MAP2K4: variants seen among roughly 807,000 people sequenced by gnomAD.
MAP2K4 encodes dual specificity mitogen-activated protein kinase kinase 4.
A neutral mutation model predicts 48.5 loss-of-function variants in MAP2K4; 4 were observed. The ratio of observed to expected loss-of-function variants is 0.08; its 90% confidence interval spans 0.04 to 0.19. The LOEUF (loss-of-function observed/expected upper bound fraction) is 0.19, where lower values mean the gene tolerates loss of function less well. Ranked by LOEUF, MAP2K4 falls within the 10% of genes least tolerant of loss-of-function variation. MAP2K4 has a pLI of 1.00. For missense variants in MAP2K4, 258 were observed against 493.3 expected (o/e 0.52, Z 4.52); for synonymous variants, 166 against 173.1 (o/e 0.96, Z 0.32).
At chr17:12,038,236 A>G (rs1370996695) in intron 1 of MAP2K4, among the ~76,000 whole-genome samples, 1 of 152,102 alleles carries the variant, frequency 6.6e-6, no homozygotes, top group South Asian at 2.1e-4. Context: ...ATTTAGGGTG[A>G]TGGTTTTCAG....
chr17:12,069,037 A>C (rs1970706082), intron 2 of MAP2K4, among the ~76,000 whole-genome samples: 1 of 152,182 alleles, frequency 6.6e-6, no homozygotes, highest in South Asian at 2.1e-4. Flanking sequence ...AAAAATTAAA[A>C]GATGCTTGAT....
At chr17:12,060,742 T>C (rs1001061412) in intron 2 of MAP2K4, among the ~76,000 whole-genome samples, 11 of 151,992 alleles carry the variant, frequency 7.2e-5, no homozygotes, top group African/African-American at 2.4e-4. Flanking sequence ...TGTGTGTGTG[T>C]GTGTGCGCGC....
At chr17:12,051,006 G>A (rs1451442307) in intron 1 of MAP2K4, among the ~76,000 whole-genome samples, 3 of 152,180 alleles carry the variant, frequency 2.0e-5, no homozygotes, top group Non-Finnish European at 4.4e-5. Context: ...GGTGCTGGCT[G>A]TTCTCTTAAG....
At chr17:12,104,893 T>G (rs908172385) in intron 4 of MAP2K4, among the ~76,000 whole-genome samples, 1 of 151,952 alleles carries the variant, frequency 6.6e-6, no homozygotes, top group Admixed American at 6.6e-5. Flanking sequence ...CATTTGGGAG[T>G]TTTTGTATAT....
At chr17:12,026,052 C>G (rs1041164675) in intron 1 of MAP2K4, among the ~76,000 whole-genome samples, 3 of 152,156 alleles carry the variant, frequency 2.0e-5, no homozygotes, top group Admixed American at 6.5e-5. Context: ...TTAGTCCCCC[C>G]TCAAAGCTCA....
intron 3 of MAP2K4, among the ~76,000 whole-genome samples, chr17:12,091,315 G>T (rs893922708): frequency 1.3e-5 from 2 of 152,184 alleles, no homozygotes; most frequent in African/African-American, 4.8e-5. Flanking sequence ...CAACAACTTG[G>T]AATTTGGGAC....
chr17:12,061,918 A>G (rs771685006), intron 2 of MAP2K4, among the ~76,000 whole-genome samples: 3 of 151,976 alleles, frequency 2.0e-5, no homozygotes, highest in Non-Finnish European at 2.9e-5. Flanking sequence ...ATTATCTACA[A>G]CTGAGTAACA....
chr17:12,084,473 G>C (rs944812949), intron 3 of MAP2K4, among the ~76,000 whole-genome samples: 4 of 152,228 alleles, frequency 2.6e-5, no homozygotes, highest in African/African-American at 9.6e-5. Context: ...GGCAAAGCCA[G>C]TGTTGCCTCT....
In MAP2K4 at chr17:12,020,915, G is replaced by C. The variant is rs1969007739; in HGVS notation, c.29G>C (p.Gly10Ala). 1 of 1,217,468 alleles carries C rather than the reference G, an allele frequency of 8.2e-7. No homozygotes were observed. Among genetic ancestry groups the C allele is most frequent in the African/African-American group, 1.6e-5 (1 of 63,698 alleles). The allele number at this position is 1,217,468 out of a possible 1,614,324, so 75.4% of individuals were successfully genotyped here. A position where few individuals can be genotyped will look rare whatever the true frequency, so the allele number is the denominator to read the frequency against. ...GCGGCTCCGAGCCCGAGCGGCGGCG[G>C]CGGCTCCGGGGGCGGCAGCGGCAGC... MAAPSPSGG[G>A]GSGGGSGSGT... The change falls in exon 1 of 11, where the codon GGC becomes GCC. Residue 10 changes from glycine to alanine, a missense_variant. Physicochemically the swap from Gly to Ala is moderately conservative, Grantham distance 60 (BLOSUM62 0). Transcript: ENST00000353533.
At position 12,095,631 on chromosome 17, in the gene MAP2K4, T is replaced by C. The variant is rs768749766; in HGVS notation, c.450T>C (p.Asp150=). The change falls in exon 4 of 11, where the codon GAT becomes GAC. Residue 150 remains aspartate (D), a synonymous_variant. Transcript: ENST00000353533. The part of the protein sequence containing the change: ...KEQKQLLMDL[D]VVMRSSDCPY... ...AAAAACAACTTCTTATGGATTTGGA[T>C]GTAGTAATGCGGAGTAGTGATTGCC... The C allele has an allele frequency of 1.2e-6, 2 of 1,613,850 alleles. No individual in the cohort carries two copies. Among genetic ancestry groups the C allele is most frequent in the Non-Finnish European group, 1.7e-6 (2 of 1,179,924 alleles).
chr17:12,067,539 G>T (rs1018166104), intron 2 of MAP2K4, among the ~76,000 whole-genome samples: 1 of 152,170 alleles, frequency 6.6e-6, no homozygotes, highest in Non-Finnish European at 1.5e-5. Flanking sequence ...GGCACTGCAG[G>T]TTTACACAGA....
chr17:12,113,047 T>C (rs1198383816), intron 6 of MAP2K4, 186 bp from the exon 7 acceptor site: 3 of 478,258 alleles, frequency 6.3e-6, no homozygotes, highest in Admixed American at 6.4e-5. Flanking sequence ...TTATTAAAGC[T>C]ACATGTTTAA....
chr17:12,053,923 A>T (rs541565469), intron 1 of MAP2K4, among the ~76,000 whole-genome samples: 2 of 152,254 alleles, frequency 1.3e-5, no homozygotes, highest in South Asian at 4.1e-4. Context: ...TGTATAATAA[A>T]CTCTAGAGAG....
intron 1 of MAP2K4, among the ~76,000 whole-genome samples, chr17:12,053,063 T>G (rs994804425): frequency 2.6e-5 from 4 of 152,174 alleles, no homozygotes; most frequent in African/African-American, 9.6e-5. Context: ...TGGGTAAAAC[T>G]CTGAGTATTA....
intron 4 of MAP2K4, among the ~76,000 whole-genome samples, chr17:12,103,016 AT>A (rs1971985344): frequency 7.5e-6 from 1 of 133,554 alleles, no homozygotes; most frequent in Non-Finnish European, 1.6e-5. Flanking sequence ...CAGTTAAATG[AT>A]TTTCTTTTCT....
At chr17:12,086,512 C>T (rs1202825646) in intron 3 of MAP2K4, among the ~76,000 whole-genome samples, 3 of 152,078 alleles carry the variant, frequency 2.0e-5, no homozygotes, top group Non-Finnish European at 2.9e-5. Context: ...GTTCCATTAA[C>T]AGAATTGGAT....
intron 1 of MAP2K4, among the ~76,000 whole-genome samples, chr17:12,033,746 A>G (rs1293499187): frequency 6.6e-6 from 1 of 152,190 alleles, no homozygotes; most frequent in Admixed American, 6.5e-5. Context: ...AATATTTAGC[A>G]TGACAACGTT....
intron 3 of MAP2K4, among the ~76,000 whole-genome samples, chr17:12,085,851 G>A (rs1971344152): frequency 6.6e-6 from 1 of 151,594 alleles, no homozygotes; most frequent in South Asian, 2.1e-4. Flanking sequence ...ATAGTATGGT[G>A]AGTATGGGAA....
At chr17:12,140,101 T>C (rs921336523) in intron 10 of MAP2K4, among the ~76,000 whole-genome samples, 4 of 152,226 alleles carry the variant, frequency 2.6e-5, no homozygotes, top group Admixed American at 2.0e-4. Context: ...TGGAAAATTT[T>C]GGTCTTAACA....
Sources: allele counts gnomAD v4.1 joint callset (sites outside exome capture counted in the v4.1 genomes callset), GRCh38; gene constraint gnomAD v4.1.1; transcripts MANE v1.5; gene names NCBI Gene and HGNC (gene_info 2026-07-23, HGNC 2026-07-21).